Variants in SLC25A21 observed in about 807,000 individuals in gnomAD.
SLC25A21 encodes solute carrier family 25 member 21.
SLC25A21 carries 47 observed loss-of-function variants against 43.8 expected under a neutral mutation model. That is an observed-to-expected ratio of 1.07 (90% confidence interval 0.85 to 1.37). SLC25A21 has a LOEUF of 1.37. Ranked by LOEUF, SLC25A21 falls within the 40% of genes most tolerant of loss-of-function variation. SLC25A21 has a pLI of 0.00. For synonymous variants in SLC25A21, 131 were observed against 121.3 expected (o/e 1.08, Z -0.52); for missense variants, 352 against 350.2 (o/e 1.00, Z -0.04).
intron 1 of SLC25A21, among the ~76,000 whole-genome samples, chr14:36,933,595 T>G (rs1892346971): frequency 6.6e-6 from 1 of 152,122 alleles, no homozygotes; most frequent in Admixed American, 6.6e-5. Context: ...GCTAAAATAC[T>G]CAAAGCTAAA....
intron 6 of SLC25A21, among the ~76,000 whole-genome samples, chr14:36,723,598 G>A (rs925451576): frequency 2.0e-5 from 3 of 152,192 alleles, no homozygotes; most frequent in African/African-American, 7.2e-5. Context: ...TGTAAGTGAT[G>A]AACTGGAAGC....
chr14:37,057,559 T>A (rs1961857950), intron 1 of SLC25A21, among the ~76,000 whole-genome samples: 1 of 152,054 alleles, frequency 6.6e-6, no homozygotes, highest in African/African-American at 2.4e-5. Context: ...GCAACAGTAA[T>A]AAAAAAATAA....
intron 2 of SLC25A21, among the ~76,000 whole-genome samples, chr14:36,835,791 T>A (rs1414503816): frequency 6.6e-6 from 1 of 152,240 alleles, no homozygotes; most frequent in African/African-American, 2.4e-5. Context: ...GGATGGCAAA[T>A]CTGCTGGCTT....
chr14:36,764,634 C>A lies in SLC25A21; in HGVS notation c.204-30061G>T, dbSNP rs868139857. Among the ~76,000 whole-genome samples, 167 of 141,644 alleles carry A rather than the reference C, an allele frequency of 1.2e-3. 3 individuals are homozygous for A. The South Asian group carries it at 0.026, about 22-fold the overall frequency. The allele number at this position is 141,644 out of a possible 152,430, so 92.9% of individuals were successfully genotyped here. ...ACACACTCCAAAAAAAAAAAAAAAA[C>A]CACGCATGCCCACATACACACACAC... On this transcript the variant is annotated intron_variant, in intron 3 of 9. Coordinates refer to ENST00000331299, the MANE Select transcript of SLC25A21 (RefSeq NM_030631.4).
chr14:36,996,684 G>A (rs1160112490), intron 1 of SLC25A21, among the ~76,000 whole-genome samples: 2 of 152,070 alleles, frequency 1.3e-5, no homozygotes, highest in African/African-American at 4.8e-5. Context: ...ATTAGGTGGA[G>A]GAATAAATGG....
intron 1 of SLC25A21, among the ~76,000 whole-genome samples, chr14:37,078,562 T>C (rs536382903): frequency 1.3e-5 from 2 of 152,240 alleles, no homozygotes; most frequent in East Asian, 1.9e-4. Flanking sequence ...AGGCCCTTAA[T>C]AAGCAGTTAA....
chr14:36,784,358 T>C (rs936988257), intron 3 of SLC25A21, among the ~76,000 whole-genome samples: 1 of 152,194 alleles, frequency 6.6e-6, no homozygotes, highest in Non-Finnish European at 1.5e-5. Flanking sequence ...TACCAGAACA[T>C]TGGCTGTTTT....
chr14:36,790,332 G>A (rs1302240767), intron 3 of SLC25A21, among the ~76,000 whole-genome samples: 2 of 151,982 alleles, frequency 1.3e-5, no homozygotes, highest in South Asian at 2.1e-4. Context: ...TTGAGAGGTG[G>A]TGCATTATCC....
intron 1 of SLC25A21, among the ~76,000 whole-genome samples, chr14:37,030,582 A>G (rs888563748): frequency 1.3e-5 from 2 of 152,192 alleles, no homozygotes; most frequent in Non-Finnish European, 2.9e-5. Context: ...CTAAGATATT[A>G]TATACCTTGC....
At chr14:37,015,490 C>T (rs963393101) in intron 1 of SLC25A21, among the ~76,000 whole-genome samples, 8 of 152,014 alleles carry the variant, frequency 5.3e-5, no homozygotes, top group East Asian at 1.9e-4. Context: ...TGAATAGTGC[C>T]ACAATAGACA....
chr14:36,839,957 T>A (rs565127605), intron 2 of SLC25A21, among the ~76,000 whole-genome samples: 1 of 152,302 alleles, frequency 6.6e-6, no homozygotes, highest in South Asian at 2.1e-4. Flanking sequence ...GTATAAGTGG[T>A]TAGTCTTTGA....
intron 1 of SLC25A21, among the ~76,000 whole-genome samples, chr14:36,944,415 G>A (rs1892636173): frequency 6.6e-6 from 1 of 152,114 alleles, no homozygotes; most frequent in Admixed American, 6.6e-5. Context: ...TATCAAGGAA[G>A]GCTTTCTGAA....
intron 1 of SLC25A21, among the ~76,000 whole-genome samples, chr14:37,046,870 T>C (rs773545468): frequency 3.9e-5 from 6 of 152,176 alleles, no homozygotes; most frequent in African/African-American, 1.4e-4. Context: ...TGTTGAACTG[T>C]TTCTACCCCA....
At chr14:37,106,931 G>A (rs1233179057) in intron 1 of SLC25A21, among the ~76,000 whole-genome samples, 1 of 152,120 alleles carries the variant, frequency 6.6e-6, no homozygotes, top group Non-Finnish European at 1.5e-5. Flanking sequence ...ATTGGGGGCG[G>A]GTTCCCCCGA....
chr14:37,127,415 GACTTTA>G (rs1963315822), intron 1 of SLC25A21, among the ~76,000 whole-genome samples: 1 of 152,158 alleles, frequency 6.6e-6, no homozygotes, highest in South Asian at 2.1e-4. Flanking sequence ...AAATATCTTT[GACTTTA>G]ACTTTAATGC....
At chr14:36,939,308 T>TG (rs931165500) in intron 1 of SLC25A21, among the ~76,000 whole-genome samples, 147 of 150,478 alleles carry the variant, frequency 9.8e-4, no homozygotes, top group African/African-American at 2.2e-3. Context: ...GAGCCAGGGG[T>TG]GGGGGGGGAA....
chr14:37,098,304 AGACTTT>A (rs1361818833), intron 1 of SLC25A21: 1 of 152,248 alleles, frequency 6.6e-6, no homozygotes, highest in East Asian at 1.9e-4. Context: ...TAGAAAGCGT[AGACTTT>A]GGAGACAGAC....
At chr14:36,728,665 T>C (rs578095525) in intron 5 of SLC25A21, among the ~76,000 whole-genome samples, 2 of 152,340 alleles carry the variant, frequency 1.3e-5, no homozygotes, top group South Asian at 2.1e-4. Context: ...TTTTTAAAAA[T>C]AACAGATACT....
intron 3 of SLC25A21, among the ~76,000 whole-genome samples, chr14:36,768,126 G>C (rs1247960368): frequency 1.3e-5 from 2 of 152,170 alleles, no homozygotes; most frequent in Non-Finnish European, 1.5e-5. Flanking sequence ...ATCACCCACT[G>C]GCAATAGCTT....
Sources: allele counts gnomAD v4.1 joint callset (sites outside exome capture counted in the v4.1 genomes callset), GRCh38; gene constraint gnomAD v4.1.1; transcripts MANE v1.5; gene names NCBI Gene and HGNC (gene_info 2026-07-23, HGNC 2026-07-21).